The following NEDD4L variants were observed in gnomAD, a reference collection of about 807,000 sequenced individuals.
The protein encoded by NEDD4L is E3 ubiquitin-protein ligase NEDD4-like.
NEDD4L carries 54 observed loss-of-function variants against 148.9 expected under a neutral mutation model. The observed-to-expected ratio is 0.36, with a 90% confidence interval of 0.29 to 0.45. The LOEUF (loss-of-function observed/expected upper bound fraction) is 0.45, where lower values mean the gene tolerates loss of function less well. NEDD4L is among the 20% of genes least tolerant of loss of function. The probability of loss-of-function intolerance (pLI) is 1.00; values close to 1 mark genes in which losing one functional copy is unlikely to be tolerated. For synonymous variants in NEDD4L, 433 were observed against 440.7 expected (o/e 0.98, Z 0.22); for missense variants, 856 against 1,233.8 (o/e 0.69, Z 4.59).
chr18:58,331,764 T>G (rs1421768866), intron 11 of NEDD4L, among the ~76,000 whole-genome samples: 1 of 152,172 alleles, frequency 6.6e-6, no homozygotes, highest in African/African-American at 2.4e-5. Flanking sequence ...AAAATAGTCA[T>G]TACTATGACC....
chr18:58,149,398 T>C, intron 1 of NEDD4L: 1 of 1,488,856 alleles, frequency 6.7e-7, no homozygotes, highest in Non-Finnish European at 9.0e-7. Context: ...ACTTCTCTCC[T>C]GTGACCTTGT....
intron 6 of NEDD4L, among the ~76,000 whole-genome samples, chr18:58,317,747 C>T (rs1443606278): frequency 1.3e-5 from 2 of 152,260 alleles, no homozygotes; most frequent in South Asian, 4.2e-4. Flanking sequence ...TGCAGAGGCA[C>T]AGGGCAGGAA....
Position 58,309,466 on chromosome 18 carries a change from C to T in NEDD4L, c.298-6516C>T, listed in dbSNP as rs536778600. Among the ~76,000 whole-genome samples the T allele has an allele frequency of 3.3e-5, 5 of 152,278 alleles. No homozygotes were observed. In the South Asian group the frequency reaches 1.0e-3, roughly 32 times the overall value. On this transcript the variant is annotated intron_variant, in intron 5 of 30. Coordinates refer to ENST00000400345, the MANE Select transcript of NEDD4L (RefSeq NM_001144967.3). ...CTATCCTGTCCAGAGCTCCAAAGCC[C>T]CCAGACCCTGTGGCTGCTGAGCACT...
intron 13 of NEDD4L, among the ~76,000 whole-genome samples, chr18:58,340,793 C>T (rs570924633): frequency 1.3e-5 from 2 of 152,242 alleles, no homozygotes; most frequent in African/African-American, 4.8e-5. Context: ...TTTGAGACTA[C>T]GGGGTCTTAG....
chr18:58,247,686 G>A (rs2047431987), intron 3 of NEDD4L: 1 of 152,574 alleles, frequency 6.6e-6, no homozygotes, highest in East Asian at 1.9e-4. Context: ...TCCTTGCCGT[G>A]TTGTGACTGG....
At chr18:58,354,341 C>T (rs2044307791) in intron 18 of NEDD4L, among the ~76,000 whole-genome samples, 1 of 152,022 alleles carries the variant, frequency 6.6e-6, no homozygotes, top group Non-Finnish European at 1.5e-5. Flanking sequence ...TAGACCTGTT[C>T]ATCGTGACTA....
At chr18:58,241,176 A>G (rs1038839030) in intron 2 of NEDD4L, among the ~76,000 whole-genome samples, 2 of 152,206 alleles carry the variant, frequency 1.3e-5, no homozygotes, top group African/African-American at 4.8e-5. Context: ...GTCTTCTAAC[A>G]GGCTTTTTAT....
chr18:58,213,549 C>T (rs992571057), intron 2 of NEDD4L, among the ~76,000 whole-genome samples: 1 of 152,182 alleles, frequency 6.6e-6, no homozygotes, highest in African/African-American at 2.4e-5. Flanking sequence ...GATGAAAATG[C>T]TCATTCTGTA....
intron 27 of NEDD4L, chr18:58,388,782 T>G: frequency 2.8e-6 from 1 of 354,540 alleles, no homozygotes; most frequent in Admixed American, 3.9e-5. Context: ...CGTGAGAGAA[T>G]CCACAGGTCC....
chr18:58,085,951 A>G (rs750075311), intron 1 of NEDD4L, among the ~76,000 whole-genome samples: 4 of 152,206 alleles, frequency 2.6e-5, no homozygotes, highest in Non-Finnish European at 5.9e-5. Flanking sequence ...TGGTTCCTTT[A>G]TTAAGGGATG....
chr18:58,093,406 T>A (rs1396731088), intron 1 of NEDD4L, among the ~76,000 whole-genome samples: 1 of 152,200 alleles, frequency 6.6e-6, no homozygotes. Context: ...CATGGTTGGT[T>A]AGTAATAACA....
chr18:58,217,761 G>C (rs957156781), intron 2 of NEDD4L, among the ~76,000 whole-genome samples: 1 of 152,010 alleles, frequency 6.6e-6, no homozygotes, highest in South Asian at 2.1e-4. Flanking sequence ...ATATAAATTG[G>C]TTACCATTTA....
intron 1 of NEDD4L, among the ~76,000 whole-genome samples, chr18:58,163,118 G>A (rs2036428447): frequency 1.3e-5 from 2 of 152,068 alleles, no homozygotes; most frequent in African/African-American, 4.8e-5. Context: ...CCAGGCTAGA[G>A]TGCAGTAGCT....
rs902801316 is a variant in NEDD4L at position 58,396,615 on chromosome 18, T to A, written c.*346T>A. On this transcript the variant is annotated 3_prime_UTR_variant, in exon 31 of 31. Coordinates refer to ENST00000400345, the MANE Select transcript of NEDD4L (RefSeq NM_001144967.3). Reference sequence around the variant, plus strand: ...GGAATTAATCACTCAACAGGTATAGTATTACGACTCATGTTTACTTTTTAA... The same window carrying A: ...GGAATTAATCACTCAACAGGTATAGAATTACGACTCATGTTTACTTTTTAA... 4 of 164,726 alleles carry A rather than the reference T, an allele frequency of 2.4e-5. No homozygotes were observed. The highest frequency in any genetic ancestry group is 9.5e-5 in the African/African-American group (4 of 41,922). 10.2% of individuals were successfully genotyped at this position (164,726 alleles called of 1,614,324 possible).
chr18:58,348,548 C>A (rs2043429757), intron 16 of NEDD4L, among the ~76,000 whole-genome samples: 1 of 151,880 alleles, frequency 6.6e-6, no homozygotes, highest in Non-Finnish European at 1.5e-5. Flanking sequence ...AGGCTGGTCT[C>A]AAACTCCTGA....
chr18:58,255,662 C>T, intron 5 of NEDD4L: 1 of 1,232,430 alleles, frequency 8.1e-7, no homozygotes, highest in Non-Finnish European at 1.0e-6. Context: ...GCTTCGGTTT[C>T]ATTTTGGCTC....
chr18:58,074,093 A>C (rs2083034942), intron 1 of NEDD4L, among the ~76,000 whole-genome samples: 2 of 152,196 alleles, frequency 1.3e-5, no homozygotes, highest in South Asian at 4.2e-4. Context: ...AGCATCCCTC[A>C]ATTCCTGAAT....
At chr18:58,282,529 C>T (rs1356692601) in intron 5 of NEDD4L, among the ~76,000 whole-genome samples, 1 of 152,202 alleles carries the variant, frequency 6.6e-6, no homozygotes, top group Non-Finnish European at 1.5e-5. Context: ...AAAAAGTAGA[C>T]ATCCACTGAA....
chr18:58,329,202 A>C, intron 10 of NEDD4L, 75 bp downstream of exon 10: 1 of 1,478,036 alleles, frequency 6.8e-7, no homozygotes, highest in South Asian at 1.2e-5. Flanking sequence ...TTTATATCAT[A>C]ATTTCTTCTG....
Sources: allele counts gnomAD v4.1 joint callset (sites outside exome capture counted in the v4.1 genomes callset), GRCh38; gene constraint gnomAD v4.1.1; transcripts MANE v1.5; gene names NCBI Gene and HGNC (gene_info 2026-07-23, HGNC 2026-07-21).